Variants in ARHGAP17 observed in about 807,000 individuals in gnomAD.
ARHGAP17 encodes the protein rho GTPase-activating protein 17.
A neutral mutation model predicts 99.5 loss-of-function variants in ARHGAP17; 57 were observed. The observed-to-expected ratio is 0.57, with a 90% confidence interval of 0.46 to 0.71. The LOEUF (loss-of-function observed/expected upper bound fraction) is 0.71. Among genes scored for constraint, ARHGAP17 ranks in the 30% least tolerant of loss-of-function variants. The pLI is 0.00. For synonymous variants in ARHGAP17, 417 were observed against 429.6 expected (o/e 0.97, Z 0.36); for missense variants, 1,000 against 1,122.4 (o/e 0.89, Z 1.56).
intron 1 of ARHGAP17, among the ~76,000 whole-genome samples, chr16:24,985,917 G>A (rs2141399421): frequency 6.6e-6 from 1 of 152,226 alleles, no homozygotes; most frequent in Middle Eastern, 3.4e-3. Context: ...GAATACAGAT[G>A]TACAACTCCA....
chr16:24,958,733 T>C (rs1488011199), intron 9 of ARHGAP17, among the ~76,000 whole-genome samples: 2 of 152,184 alleles, frequency 1.3e-5, no homozygotes, highest in South Asian at 2.1e-4. Flanking sequence ...CTGGTATGTA[T>C]GCACATCCAC....
At chr16:24,982,565 G>T (rs959827687) in intron 1 of ARHGAP17, among the ~76,000 whole-genome samples, 1 of 152,134 alleles carries the variant, frequency 6.6e-6, no homozygotes, top group African/African-American at 2.4e-5. Flanking sequence ...TTGCTGGCCT[G>T]TGGACTCTCC....
rs369891638 is a variant in ARHGAP17 at position 24,920,089 on chromosome 16, C to G, written c.*41G>C. ...GAGGTTCGCCTGCCCCTGCTCCACT[C>G]GCCAGGGTGGAAGTGGTGGAGGGCT... On this transcript the variant is annotated 3_prime_UTR_variant, in exon 20 of 20. Transcript: ENST00000289968. 5 of 1,604,832 alleles carry G rather than the reference C, an allele frequency of 3.1e-6. No homozygotes were observed. Among genetic ancestry groups the G allele is most frequent in the East Asian group, 4.5e-5 (2 of 44,604 alleles).
At chr16:24,973,373 C>G (rs995650809) in intron 3 of ARHGAP17, among the ~76,000 whole-genome samples, 1 of 152,142 alleles carries the variant, frequency 6.6e-6, no homozygotes, top group African/African-American at 2.4e-5. Context: ...CCTGTGTTTT[C>G]TAGAGCCCTG....
chr16:24,954,752 T>C (rs868749032), intron 9 of ARHGAP17, 22 bp from the exon 10 acceptor site: 6 of 1,612,300 alleles, frequency 3.7e-6, no homozygotes, highest in Non-Finnish European at 4.2e-6. Flanking sequence ...AATTGTTCAG[T>C]TAGACACCCA....
Position 24,920,263 on chromosome 16 carries a change from G to C in ARHGAP17, c.2516-3C>G. ...TTCTGAAACCCTGGAATTGGAGTCT[G>C]GACAAAAACACGAGGAGACATGGTA... On this transcript the variant is annotated splice_region_variant and splice_polypyrimidine_tract_variant and intron_variant, in intron 19 of 19. Transcript: ENST00000289968. The C allele has an allele frequency of 1.2e-6, 2 of 1,613,942 alleles. No individual in the cohort carries two copies. The highest frequency in any genetic ancestry group is 2.7e-5 in the African/African-American group (2 of 75,036).
chr16:24,952,896 G>A, intron 11 of ARHGAP17, 35 bp downstream of exon 11: 1 of 1,596,158 alleles, frequency 6.3e-7, no homozygotes, highest in African/African-American at 1.3e-5. Context: ...CCGCCTTGAG[G>A]GTGACTTGAT....
chr16:25,000,502 G>A (rs912808807), intron 1 of ARHGAP17, among the ~76,000 whole-genome samples: 7 of 152,118 alleles, frequency 4.6e-5, no homozygotes, highest in East Asian at 1.9e-4. Flanking sequence ...TTGTCCATGC[G>A]CTTGAGGATG....
At position 24,942,007 on chromosome 16, in the gene ARHGAP17, T is replaced by G; in HGVS notation, c.1470A>C (p.Gly490=). Residue 490 remains glycine, a synonymous_variant, in exon 16 of 20, where the codon GGA becomes GGC. Coordinates refer to ENST00000289968, the MANE Select transcript of ARHGAP17 (RefSeq NM_001006634.3). The stretch of plus-strand genomic sequence containing the variant: ...CATACCTTTCCTTCTTCACCAAGTC[T>G]CCTTCCATCACCGCCATGCTAGCAG... ...KRPASMAVME[G]DLVKKESFGV... 1 of 1,614,046 alleles carries G rather than the reference T, an allele frequency of 6.2e-7. No homozygotes were observed. The highest frequency in any genetic ancestry group is 8.5e-7 in the Non-Finnish European group (1 of 1,179,948).
At chr16:24,970,378 G>C in intron 4 of ARHGAP17, 129 bp downstream of exon 4, 1 of 864,292 alleles carries the variant, frequency 1.2e-6, no homozygotes. Context: ...AGTCTCAGCC[G>C]GTCTCCTAGC....
At chr16:25,001,994 T>C (rs894072042) in intron 1 of ARHGAP17, among the ~76,000 whole-genome samples, 68 of 151,756 alleles carry the variant, frequency 4.5e-4, no homozygotes, top group African/African-American at 1.6e-3. Context: ...GGCAGGAGAA[T>C]TGCTTAAACC....
At chr16:24,997,399 T>A (rs777400238) in intron 1 of ARHGAP17, among the ~76,000 whole-genome samples, 8 of 152,174 alleles carry the variant, frequency 5.3e-5, no homozygotes, top group Non-Finnish European at 7.3e-5. Context: ...CCCAGATATA[T>A]ATTCTCTGTC....
chr16:24,932,108 CAA>C (rs111457755), intron 18 of ARHGAP17, among the ~76,000 whole-genome samples: 8 of 87,422 alleles, frequency 9.2e-5, no homozygotes, highest in Admixed American at 1.4e-4. Context: ...GAGACCATTT[CAA>C]AAAAAAAAAA....
Position 24,955,721 on chromosome 16 carries a change from G to A in ARHGAP17, c.725-991C>T, listed in dbSNP as rs376061919. ...CTGCTGTTAGAAAGCTGGGTTGGAA[G>A]AAGGCAGTATGTACTCTGGTGTGTC... is the stretch of plus-strand genomic sequence containing the variant. On this transcript the variant is annotated intron_variant, in intron 9 of 19. Transcript: ENST00000289968. This position sits in a 1 kb window ranked among gnomAD's most constrained non-coding sequence, Gnocchi z 4.0. 1 of 152,274 alleles carries A rather than the reference G, an allele frequency of 6.6e-6. No homozygotes were observed. The highest frequency in any genetic ancestry group is 1.9e-4 in the East Asian group (1 of 5,202). The allele number at this position is 152,274 out of a possible 1,614,324, so 9.4% of individuals were successfully genotyped here.
chr16:24,967,778 CA>C (rs940394750), intron 6 of ARHGAP17, among the ~76,000 whole-genome samples: 3,911 of 59,408 alleles, frequency 0.066, 57 homozygotes, highest in South Asian at 0.14. Flanking sequence ...GACCTTGACT[CA>C]AAAAAAAAAA....
At chr16:25,009,188 A>T (rs2053580555) in intron 1 of ARHGAP17, among the ~76,000 whole-genome samples, 1 of 152,292 alleles carries the variant, frequency 6.6e-6, no homozygotes, top group South Asian at 2.1e-4. Flanking sequence ...CAACATGGCA[A>T]AACTCCATCT....
chr16:25,002,772 C>T (rs2053397361), intron 1 of ARHGAP17, among the ~76,000 whole-genome samples: 1 of 152,158 alleles, frequency 6.6e-6, no homozygotes, highest in Admixed American at 6.5e-5. Context: ...GGCGCGATGG[C>T]TCACGCCTGT....
intron 11 of ARHGAP17, 71 bp downstream of exon 11, chr16:24,952,860 C>G: frequency 7.2e-7 from 1 of 1,393,974 alleles, no homozygotes; most frequent in Admixed American, 1.9e-5. Flanking sequence ...TTTAACTGAC[C>G]ATCTGTCTGA....
Position 24,919,413 on chromosome 16 carries a change from TTTAA to T in ARHGAP17, c.*713_*716del, listed in dbSNP as rs2050662484. On this transcript the variant is annotated 3_prime_UTR_variant, in exon 20 of 20. Transcript: ENST00000289968. Reference sequence around the variant, plus strand: ...GTTTTCATATAAACCACAGAATATATTTAATTCAAATTAAACATGAAACTAGAAT... The same window carrying T: ...GTTTTCATATAAACCACAGAATATATTTCAAATTAAACATGAAACTAGAAT... 6.5e-6 allele frequency: 1 copy of T among 152,776 alleles called. No homozygotes were observed. The highest frequency in any genetic ancestry group is 1.5e-5 in the Non-Finnish European group (1 of 68,112). The allele number at this position is 152,776 out of a possible 1,614,324, so 9.5% of individuals were successfully genotyped here. A position where few individuals can be genotyped will look rare whatever the true frequency, so the allele number is the denominator to read the frequency against.
Sources: gnomAD v4.1 joint callset for allele counts (sites outside exome capture counted in the v4.1 genomes callset) on GRCh38, gnomAD v4.1.1 for gene constraint, Gnocchi (gnomAD v3.1) non-coding constraint, MANE v1.5 for transcripts, NCBI Gene and HGNC (gene_info 2026-07-23, HGNC 2026-07-21) for gene names.